Variants in AEBP2 observed in about 807,000 individuals in gnomAD.
AEBP2 encodes the protein zinc finger protein AEBP2.
Under a neutral mutation model 50.8 loss-of-function variants are expected in AEBP2, and 10 were observed. The observed-to-expected ratio is 0.20, with a 90% CI of 0.12 to 0.33. The LOEUF is 0.33. Ranked by LOEUF, AEBP2 falls within the 10% of genes least tolerant of loss-of-function variation. AEBP2 has a pLI of 1.00. For synonymous variants in AEBP2, 296 were observed against 261.3 expected (o/e 1.13, Z -1.28); for missense variants, 570 against 688.0 (o/e 0.83, Z 1.92).
intron 1 of AEBP2, among the ~76,000 whole-genome samples, chr12:19,444,391 G>A (rs1226360775): frequency 1.3e-5 from 2 of 152,164 alleles, no homozygotes; most frequent in African/African-American, 2.4e-5. Flanking sequence ...TAAAATGCCC[G>A]TGGAGTTAGT....
At chr12:19,421,422 G>A (rs943319615) in intron 1 of AEBP2, among the ~76,000 whole-genome samples, 6 of 151,592 alleles carry the variant, frequency 4.0e-5, no homozygotes, top group Non-Finnish European at 5.9e-5. Flanking sequence ...GCAGGCTGAG[G>A]TGGGTGATTG....
intron 1 of AEBP2, among the ~76,000 whole-genome samples, chr12:19,432,119 G>A (rs529876897): frequency 1.3e-5 from 2 of 152,262 alleles, no homozygotes; most frequent in African/African-American, 4.8e-5. Context: ...ACTCATTTTA[G>A]TGGAAGAGAG....
At chr12:19,469,157 C>G (rs1948533414) in intron 2 of AEBP2, among the ~76,000 whole-genome samples, 1 of 152,112 alleles carries the variant, frequency 6.6e-6, no homozygotes, top group Non-Finnish European at 1.5e-5. Flanking sequence ...AACTCCTGAC[C>G]TCAAGTGATC....
chr12:19,439,969 C>T lies in AEBP2; in HGVS notation c.270C>T (p.Ala90=), dbSNP rs1947917415. 6.6e-7 allele frequency: 1 copy of T among 1,521,286 alleles called. No homozygotes were observed. 94.2% of individuals were successfully genotyped at this position (1,521,286 alleles called of 1,614,324 possible). ...TGTCGGAGCCGAGCCCCGAGAGCGC[C>T]AGCCAGGCCGGGGAGGACGAAGACG... ...ETMSEPSPES[A]SQAGEDEDEE... The change falls in exon 1 of 8, where the codon GCC becomes GCT. Residue 90 remains alanine, a synonymous_variant. Coordinates refer to ENST00000266508, the MANE Select transcript of AEBP2 (RefSeq NM_153207.5).
intron 3 of AEBP2, among the ~76,000 whole-genome samples, chr12:19,485,032 C>A (rs7955602): frequency 0.022 from 3,272 of 152,122 alleles, 42 homozygotes; most frequent in East Asian, 0.043. Context: ...TGTGTGCACA[C>A]TAAATATAAG....
chr12:19,497,134 A>G (rs547049990), intron 4 of AEBP2, among the ~76,000 whole-genome samples: 25 of 151,874 alleles, frequency 1.6e-4, no homozygotes, highest in African/African-American at 5.3e-4. Context: ...AATATGGTAC[A>G]TTTGTTTTAT....
intron 1 of AEBP2, among the ~76,000 whole-genome samples, chr12:19,453,205 G>A (rs1315996075): frequency 2.0e-5 from 3 of 151,886 alleles, no homozygotes; most frequent in Non-Finnish European, 2.9e-5. Flanking sequence ...TCCTGACCTC[G>A]TGATCCACCC....
At chr12:19,502,136 C>T (rs879378045) in intron 5 of AEBP2, among the ~76,000 whole-genome samples, 1 of 151,570 alleles carries the variant, frequency 6.6e-6, no homozygotes, top group Non-Finnish European at 1.5e-5. Context: ...TTATTTGTAC[C>T]TACTTTTTTT....
chr12:19,466,672 A>T, intron 2 of AEBP2: 1 of 346,824 alleles, frequency 2.9e-6, no homozygotes, highest in Non-Finnish European at 4.1e-6. Flanking sequence ...GTAGGTATCT[A>T]ATATAAGTAG....
At position 19,499,835 on chromosome 12, in the gene AEBP2, G is replaced by T. The variant is rs150291169; in HGVS notation, c.1175-262G>T. On this transcript the variant is annotated intron_variant, in intron 4 of 7. Transcript: ENST00000266508. ...TAAAAGATAACATTTTATGAAAAAT[G>T]AAGTAGCTGAGATGTGGAATCATGA... Among the ~76,000 whole-genome samples the T allele has an allele frequency of 2.1e-3, 316 of 152,254 alleles. 4 individuals carry two copies. Among genetic ancestry groups the T allele is most frequent in the Admixed American group, 0.017 (258 of 15,272 alleles).
intron 1 of AEBP2, chr12:19,440,868 A>G (rs913858017): frequency 2.8e-6 from 3 of 1,085,746 alleles, no homozygotes; most frequent in Non-Finnish European, 3.9e-6. Context: ...TCTCTACTTA[A>G]ACAAAAAAAG....
chr12:19,439,208 G>A (rs2153365741), upstream of AEBP2, among the ~76,000 whole-genome samples: 1 of 152,338 alleles, frequency 6.6e-6, no homozygotes, highest in East Asian at 1.9e-4. Context: ...CTCCTGTACA[G>A]AGGGGACACT....
intron 3 of AEBP2, among the ~76,000 whole-genome samples, chr12:19,485,103 G>A (rs1384082823): frequency 5.9e-5 from 9 of 152,184 alleles, no homozygotes; most frequent in Admixed American, 5.2e-4. Context: ...GTATTTCCAT[G>A]TGTGTATGTG....
Position 19,421,691 on chromosome 12 carries a change from C to T in AEBP2, c.-17+17475C>T, listed in dbSNP as rs113084329. 2.9e-3 allele frequency among the ~76,000 whole-genome samples: 439 copies of T among 152,316 alleles called. 1 individual carries two copies. Among genetic ancestry groups the T allele is most frequent in the African/African-American group, 1.0e-2 (415 of 41,572 alleles). On this transcript the variant is annotated intron_variant, in intron 1 of 3. Coordinates refer to the AEBP2 transcript ENST00000538425. The stretch of plus-strand genomic sequence containing the variant: ...CATTCAGAATGGATGCAAACCTTGT[C>T]ACATAGCAGGGGGGCCTGGAGGCCC...
intron 1 of AEBP2, among the ~76,000 whole-genome samples, chr12:19,454,845 A>G (rs545306774): frequency 2.6e-5 from 4 of 152,270 alleles, no homozygotes; most frequent in African/African-American, 7.2e-5. Flanking sequence ...CACAGAACTG[A>G]AAAGAAGACT....
intron 2 of AEBP2, among the ~76,000 whole-genome samples, chr12:19,469,284 G>A (rs16915505): frequency 0.075 from 11,436 of 152,160 alleles, 497 homozygotes; most frequent in South Asian, 0.2. Context: ...GGACATTCTG[G>A]CAGGAAAACC....
intron 2 of AEBP2, among the ~76,000 whole-genome samples, chr12:19,468,670 C>T (rs1689465108): frequency 6.6e-6 from 1 of 152,126 alleles, no homozygotes; most frequent in Admixed American, 6.6e-5. Flanking sequence ...TACAAGGATA[C>T]ACTGGTTCAT....
chr12:19,457,279 C>G, intron 1 of AEBP2: 1 of 1,574,546 alleles, frequency 6.4e-7, no homozygotes, highest in Middle Eastern at 1.7e-4. Flanking sequence ...TTCACCAACA[C>G]TGGCAGCAAC....
chr12:19,452,702 T>C (rs1001560228), intron 1 of AEBP2, among the ~76,000 whole-genome samples: 1 of 152,046 alleles, frequency 6.6e-6, no homozygotes, highest in Non-Finnish European at 1.5e-5. Context: ...AACTTCAGAG[T>C]TCTTAAGATA....
Sources: gnomAD v4.1 joint callset for allele counts (sites outside exome capture counted in the v4.1 genomes callset) on GRCh38, gnomAD v4.1.1 for gene constraint, MANE v1.5 for transcripts, NCBI Gene and HGNC (gene_info 2026-07-23, HGNC 2026-07-21) for gene names.